LITAF: variants seen among roughly 807,000 people sequenced by gnomAD.
LITAF encodes lipopolysaccharide induced TNF factor, also known as lipopolysaccharide-induced tumor necrosis factor-alpha factor.
Under a neutral mutation model 14.5 loss-of-function variants are expected in LITAF, and 9 were observed. The observed-to-expected ratio is 0.62, with a 90% CI of 0.37 to 1.08. The LOEUF is 1.08. Among genes scored for constraint, LITAF ranks in the 50% least tolerant of loss-of-function variants. The pLI is 0.01. For missense variants in LITAF, 206 were observed against 213.4 expected (o/e 0.97, Z 0.22); for synonymous variants, 98 against 88.2 (o/e 1.11, Z -0.62).
upstream of LITAF, chr16:11,587,465 T>C (rs1464453771): frequency 2.2e-6 from 1 of 453,786 alleles, no homozygotes; most frequent in Non-Finnish European, 4.4e-6. Flanking sequence ...TTACCCATCC[T>C]CTCTGAGCTC....
At chr16:11,557,657 T>C (rs779900666) in intron 1 of LITAF, among the ~76,000 whole-genome samples, 1 of 152,142 alleles carries the variant, frequency 6.6e-6, no homozygotes, top group African/African-American at 2.4e-5. Context: ...CACTTTGCTA[T>C]CTAGGCTGGT....
intron 3 of LITAF, among the ~76,000 whole-genome samples, chr16:11,614,063 G>C (rs567209864): frequency 6.6e-6 from 1 of 152,078 alleles, no homozygotes; most frequent in African/African-American, 2.4e-5. Flanking sequence ...GTACAGACGG[G>C]GCAGCTGAGG....
upstream of LITAF, among the ~76,000 whole-genome samples, chr16:11,600,827 A>G (rs1021684089): frequency 6.6e-6 from 1 of 151,932 alleles, no homozygotes; most frequent in Admixed American, 6.6e-5. This position sits in a 1 kb window ranked among gnomAD's most constrained non-coding sequence, Gnocchi z 4.1. Flanking sequence ...TCATTACTCA[A>G]TAAAATTCTT....
chr16:11,630,830 A>G (rs2065114234), intron 3 of LITAF, among the ~76,000 whole-genome samples: 1 of 151,920 alleles, frequency 6.6e-6, no homozygotes, highest in Non-Finnish European at 1.5e-5. Flanking sequence ...TCCTGGCCTC[A>G]AAATGATCCT....
At chr16:11,587,513 G>C (rs919185713), upstream of LITAF, 32 of 451,954 alleles carry the variant, frequency 7.1e-5, no homozygotes, top group African/African-American at 6.4e-4. Flanking sequence ...TAGCGGTCCT[G>C]TCTCCTAAGA....
intron 1 of LITAF, among the ~76,000 whole-genome samples, chr16:11,557,070 T>TTTTGTTTG (rs367556550): frequency 0.011 from 260 of 24,758 alleles, no homozygotes; most frequent in African/African-American, 0.033. Flanking sequence ...CGTTGTTTTT[T>TTTTGTTTG]TTTGTTTGTT....
chr16:11,579,386 G>C (rs1260226966), intron 1 of LITAF, among the ~76,000 whole-genome samples: 1 of 151,884 alleles, frequency 6.6e-6, no homozygotes, highest in Non-Finnish European at 1.5e-5. Context: ...GGGAGGCGGA[G>C]CTTGCAGTGA....
At chr16:11,613,988 G>C (rs879305883) in intron 3 of LITAF, among the ~76,000 whole-genome samples, 1 of 152,162 alleles carries the variant, frequency 6.6e-6, no homozygotes, top group African/African-American at 2.4e-5. Flanking sequence ...CTGAGATTTG[G>C]ACACTTGCAC....
intron 1 of LITAF, chr16:11,635,971 T>C (rs963277478): frequency 6.6e-6 from 1 of 152,312 alleles, no homozygotes; most frequent in African/African-American, 2.4e-5. Context: ...AACAAAACAC[T>C]AGGGTCATCA....
At chr16:11,594,447 T>C (rs2064869326) in intron 1 of LITAF, among the ~76,000 whole-genome samples, 1 of 152,102 alleles carries the variant, frequency 6.6e-6, no homozygotes, top group South Asian at 2.1e-4. Context: ...GGGTGTACTC[T>C]GAAACTTCAG....
chr16:11,639,009 G>C (rs967042733), upstream of LITAF, among the ~76,000 whole-genome samples: 3 of 152,106 alleles, frequency 2.0e-5, no homozygotes, highest in Non-Finnish European at 2.9e-5. Flanking sequence ...CATCCAAAAA[G>C]TAAGATGTGT....
chr16:11,565,688 G>C (rs2064440849), intron 1 of LITAF, among the ~76,000 whole-genome samples: 2 of 152,102 alleles, frequency 1.3e-5, no homozygotes, highest in South Asian at 4.1e-4. Flanking sequence ...GGATGCACTG[G>C]TGCCCCTACC....
intron 3 of LITAF, among the ~76,000 whole-genome samples, chr16:11,628,599 G>A (rs144472148): frequency 6.6e-6 from 1 of 152,284 alleles, no homozygotes; most frequent in African/African-American, 2.4e-5. Flanking sequence ...AAACTCCTAG[G>A]GTCAAGGGAT....
chr16:11,616,493 GA>G lies in LITAF; in HGVS notation c.85+17039del, dbSNP rs201549448. 6.2e-4 allele frequency among the ~76,000 whole-genome samples: 80 copies of G among 129,734 alleles called. 1 individual carries two copies. The highest frequency in any genetic ancestry group is 1.3e-3 in the African/African-American group (47 of 35,188). 85.1% of individuals were successfully genotyped at this position (129,734 alleles called of 152,430 possible). On this transcript the variant is annotated intron_variant, in intron 3 of 3. Coordinates refer to the LITAF transcript ENST00000574848. ...ACCCTGTCTCAACAAAACAAAACAA[GA>G]AAAAAAAAAAGAAAAAGAAAGGGGC...
intron 1 of LITAF, among the ~76,000 whole-genome samples, chr16:11,557,465 T>A (rs1192186005): frequency 2.0e-5 from 3 of 152,198 alleles, no homozygotes; most frequent in African/African-American, 7.2e-5. Context: ...TGTTTTGTTT[T>A]ATTTTTTTGA....
intron 1 of LITAF, among the ~76,000 whole-genome samples, chr16:11,557,211 T>C (rs117272211): frequency 3.9e-5 from 6 of 151,978 alleles, no homozygotes; most frequent in Admixed American, 2.0e-4. Context: ...TGCCACAAAA[T>C]GCACACTGTA....
At chr16:11,619,951 T>C (rs1488052001) in intron 3 of LITAF, among the ~76,000 whole-genome samples, 1 of 151,910 alleles carries the variant, frequency 6.6e-6, no homozygotes, top group Non-Finnish European at 1.5e-5. Flanking sequence ...GTGGATCACC[T>C]GAGGTCAGGA....
At chr16:11,585,273 G>C (rs1394437518) in intron 1 of LITAF, among the ~76,000 whole-genome samples, 1 of 151,240 alleles carries the variant, frequency 6.6e-6, no homozygotes, top group Non-Finnish European at 1.5e-5. Context: ...CTACGTCTTA[G>C]ATCAATCACC....
intron 3 of LITAF, among the ~76,000 whole-genome samples, chr16:11,607,039 C>A (rs1234394329): frequency 1.3e-5 from 2 of 152,162 alleles, no homozygotes; most frequent in East Asian, 3.8e-4. Context: ...AGGAATGGCC[C>A]AAGGTCACAC....
Sources: gnomAD v4.1 joint callset for allele counts (sites outside exome capture counted in the v4.1 genomes callset) on GRCh38, gnomAD v4.1.1 for gene constraint, Gnocchi (gnomAD v3.1) non-coding constraint, MANE v1.5 for transcripts, NCBI Gene and HGNC (gene_info 2026-07-23, HGNC 2026-07-21) for gene names.